The following ESRP1 variants were observed in gnomAD, a reference collection of about 807,000 sequenced individuals.
ESRP1 encodes RNA-binding motif protein 35A.
Under a neutral mutation model 81.7 loss-of-function variants are expected in ESRP1, and 33 were observed. The observed-to-expected ratio is 0.40, with a 90% CI of 0.31 to 0.54. The LOEUF (loss-of-function observed/expected upper bound fraction) is 0.54. Ranked by LOEUF, ESRP1 falls within the 20% of genes least tolerant of loss-of-function variation. The probability of loss-of-function intolerance (pLI) is 0.41; values close to 1 mark genes in which losing one functional copy is unlikely to be tolerated. For synonymous variants in ESRP1, 320 were observed against 303.3 expected (o/e 1.06, Z -0.57); for missense variants, 672 against 833.1 (o/e 0.81, Z 2.38).
At chr8:94,688,069 G>A (rs1203958517) in intron 13 of ESRP1, among the ~76,000 whole-genome samples, 2 of 151,984 alleles carry the variant, frequency 1.3e-5, no homozygotes, top group Non-Finnish European at 2.9e-5. Context: ...GTGAGGTAGG[G>A]GTCTAAAATC....
At chr8:94,646,321 A>G in intron 4 of ESRP1, 39 bp downstream of exon 4, 1 of 1,281,818 alleles carries the variant, frequency 7.8e-7, no homozygotes, top group Non-Finnish European at 1.1e-6. Context: ...ATTTGAAAAG[A>G]TAGTTCCAGA....
intron 15 of ESRP1, among the ~76,000 whole-genome samples, chr8:94,704,123 T>C (rs952343474): frequency 6.6e-6 from 1 of 151,914 alleles, no homozygotes; most frequent in African/African-American, 2.4e-5. Flanking sequence ...GAATCTATGT[T>C]ATTAAGGCAG....
At chr8:94,680,881 T>A (rs1808846064) in intron 13 of ESRP1, among the ~76,000 whole-genome samples, 1 of 152,106 alleles carries the variant, frequency 6.6e-6, no homozygotes, top group Admixed American at 6.6e-5. Flanking sequence ...CAGAAGCTCT[T>A]GTGTTTTTCT....
intron 13 of ESRP1, among the ~76,000 whole-genome samples, chr8:94,686,293 A>G (rs1278362474): frequency 6.6e-6 from 1 of 152,206 alleles, no homozygotes; most frequent in Non-Finnish European, 1.5e-5. Context: ...CAGCAACTTT[A>G]TAATATATTA....
chr8:94,693,627 C>T (rs1586255125), intron 14 of ESRP1, among the ~76,000 whole-genome samples: 1 of 152,206 alleles, frequency 6.6e-6, no homozygotes, highest in South Asian at 2.1e-4. Context: ...TGTCCTCTTT[C>T]CTCCTGGATC....
At chr8:94,659,429 G>A (rs369626837) in intron 4 of ESRP1, among the ~76,000 whole-genome samples, 37 of 152,164 alleles carry the variant, frequency 2.4e-4, no homozygotes, top group East Asian at 1.2e-3. Flanking sequence ...GTGTGTGTTC[G>A]GCTGCTCCAA....
At chr8:94,696,021 A>G (rs1809592795) in intron 14 of ESRP1, among the ~76,000 whole-genome samples, 1 of 152,186 alleles carries the variant, frequency 6.6e-6, no homozygotes, top group Non-Finnish European at 1.5e-5. Context: ...TGCGAATGCG[A>G]CATTGCACTC....
intron 4 of ESRP1, among the ~76,000 whole-genome samples, chr8:94,656,815 T>C (rs1323837832): frequency 3.3e-5 from 5 of 152,214 alleles, no homozygotes; most frequent in African/African-American, 1.2e-4. Flanking sequence ...TAGTTTAAAC[T>C]TGTCTGAGTT....
chr8:94,676,284 G>A lies in ESRP1; in HGVS notation c.1651+1778G>A, dbSNP rs561498461. ...GGAGAATTGCTTGATCACGGGAGGC[G>A]GAGGTTGCAGTGAGCTGAGATTGCG... is the stretch of plus-strand genomic sequence containing the variant. On this transcript the variant is annotated intron_variant, in intron 12 of 15. Transcript: ENST00000433389. Among the ~76,000 whole-genome samples, 12 of 151,522 alleles carry A rather than the reference G, an allele frequency of 7.9e-5. No homozygotes were observed. The East Asian group carries it at 9.7e-4, about 12-fold the overall frequency.
chr8:94,664,692 C>T lies in ESRP1; in HGVS notation c.645-5C>T. ...ATGCAACCTGAAGTTTTGCTTCATC[C>T]ACAGCAGCAAGATGGAACTTATTGA... On this transcript the variant is annotated splice_polypyrimidine_tract_variant and splice_region_variant and intron_variant, in intron 6 of 15. Transcript: ENST00000433389. The T allele has an allele frequency of 1.2e-6, 2 of 1,610,638 alleles. No individual in the cohort carries two copies. The highest frequency in any genetic ancestry group is 1.7e-6 in the Non-Finnish European group (2 of 1,177,126).
At chr8:94,696,407 A>G (rs1189123757) in intron 14 of ESRP1, among the ~76,000 whole-genome samples, 1 of 152,244 alleles carries the variant, frequency 6.6e-6, no homozygotes, top group African/African-American at 2.4e-5. Flanking sequence ...TGAGAGAATT[A>G]GACTGATATT....
chr8:94,695,388 T>C lies in ESRP1; in HGVS notation c.1972-1464T>C, dbSNP rs1405478194. Among the ~76,000 whole-genome samples, 17 of 119,536 alleles carry C rather than the reference T, an allele frequency of 1.4e-4. No individual in the cohort carries two copies. The East Asian group carries it at 4.8e-3, about 34-fold the overall frequency. The allele number at this position is 119,536 out of a possible 152,430, so 78.4% of individuals were successfully genotyped here. On this transcript the variant is annotated intron_variant, in intron 14 of 15. Coordinates refer to ENST00000433389, the MANE Select transcript of ESRP1 (RefSeq NM_017697.4). ...TTTTTTTTTTGAGACGGAGTCTCAC[T>C]CTGTCGCCCAGGCTGGAGTGCAGTG...
intron 3 of ESRP1, among the ~76,000 whole-genome samples, chr8:94,644,318 A>G (rs1817744411): frequency 6.6e-6 from 1 of 152,168 alleles, no homozygotes; most frequent in Non-Finnish European, 1.5e-5. Context: ...GAATATATTT[A>G]GGTACCTGTA....
intron 13 of ESRP1, among the ~76,000 whole-genome samples, chr8:94,692,310 G>A (rs1219679462): frequency 6.6e-6 from 1 of 152,042 alleles, no homozygotes; most frequent in Admixed American, 6.6e-5. Context: ...TTGTATACGT[G>A]CCTCTTCATG....
chr8:94,654,275 A>G (rs10956921), intron 4 of ESRP1, among the ~76,000 whole-genome samples: 100,018 of 152,008 alleles, frequency 0.66, 33,400 homozygotes, highest in East Asian at 0.96. Context: ...TCAAGATCGC[A>G]CCATTTTACC....
chr8:94,683,133 G>A (rs112123474), intron 13 of ESRP1, among the ~76,000 whole-genome samples: 61,564 of 149,898 alleles, frequency 0.41, 12,778 homozygotes, highest in East Asian at 0.56. Flanking sequence ...TAGTAGAGAC[G>A]GTGTTTCTCC....
At chr8:94,641,780 G>C (rs77399168) in intron 1 of ESRP1, 176 bp from the exon 2 acceptor site, 3 of 924,062 alleles carry the variant, frequency 3.2e-6, no homozygotes, top group Admixed American at 3.4e-5. Flanking sequence ...CCTATCGGGT[G>C]GGGGGTGGGG....
intron 10 of ESRP1, among the ~76,000 whole-genome samples, chr8:94,670,856 G>T (rs925688985): frequency 2.0e-5 from 3 of 152,156 alleles, no homozygotes; most frequent in African/African-American, 7.2e-5. Flanking sequence ...GTCAACAAAT[G>T]ATTCTTTTCA....
intron 12 of ESRP1, among the ~76,000 whole-genome samples, chr8:94,675,469 CTT>C (rs1236375168): frequency 6.6e-6 from 1 of 152,176 alleles, no homozygotes; most frequent in Non-Finnish European, 1.5e-5. Flanking sequence ...TCCTTTTTAT[CTT>C]TTAGCATTTT....
Sources: gnomAD v4.1 joint callset for allele counts (sites outside exome capture counted in the v4.1 genomes callset) on GRCh38, gnomAD v4.1.1 for gene constraint, MANE v1.5 for transcripts, NCBI Gene and HGNC (gene_info 2026-07-23, HGNC 2026-07-21) for gene names.